Variants in ZNF239 observed in about 807,000 individuals in gnomAD.
ZNF239 encodes the protein zinc finger protein (C2H2) homologous to mouse MOK-2.
A neutral mutation model predicts 27.5 loss-of-function variants in ZNF239; 16 were observed. The ratio of observed to expected loss-of-function variants is 0.58; its 90% CI spans 0.39 to 0.88. The LOEUF (loss-of-function observed/expected upper bound fraction) is 0.88. ZNF239 is among the 40% of genes least tolerant of loss of function. ZNF239 has a pLI of 0.00. For synonymous variants in ZNF239, 199 were observed against 192.6 expected (o/e 1.03, Z -0.27); for missense variants, 527 against 551.9 (o/e 0.95, Z 0.45).
At position 43,558,137 on chromosome 10, in the gene ZNF239, C is replaced by T. The variant is rs2999278; in HGVS notation, c.-58G>A. The T allele has an allele frequency of 0.54, 822,099 of 1,524,316 alleles. 222,535 individuals are homozygous for T. The highest frequency in any genetic ancestry group is 0.61 in the South Asian group (47,612 of 78,046). The allele number at this position is 1,524,316 out of a possible 1,614,324, so 94.4% of individuals were successfully genotyped here. A position where few individuals can be genotyped will look rare whatever the true frequency, so the allele number is the denominator to read the frequency against. On this transcript the variant is annotated 5_prime_UTR_variant, in exon 4 of 4. Coordinates refer to ENST00000374446, the MANE Select transcript of ZNF239 (RefSeq NM_001099282.2). ...GTAACAGATCCTGAAGTGTTTTCTG[C>T]TGAAGATTCTCCACAGAATTTTCAT...
At chr10:43,574,369 G>A (rs1838224973) in intron 1 of ZNF239, among the ~76,000 whole-genome samples, 171 bp downstream of exon 1, 1 of 152,198 alleles carries the variant, frequency 6.6e-6, no homozygotes, top group Non-Finnish European at 1.5e-5. Context: ...CGGAAATGCG[G>A]CGCCGGGACA....
At chr10:43,566,461 T>C (rs1004434748) in intron 3 of ZNF239, among the ~76,000 whole-genome samples, 1 of 152,282 alleles carries the variant, frequency 6.6e-6, no homozygotes, top group South Asian at 2.1e-4. Flanking sequence ...AATTTTTGTA[T>C]ATTTTGTAGA....
At chr10:43,560,712 T>C (rs1564458465) in intron 3 of ZNF239, among the ~76,000 whole-genome samples, 1 of 140,010 alleles carries the variant, frequency 7.1e-6, no homozygotes, top group Non-Finnish European at 1.5e-5. Flanking sequence ...CCTCCCTCCC[T>C]AGCCCAATCA....
At chr10:43,566,413 G>A (rs1162562962) in intron 3 of ZNF239, among the ~76,000 whole-genome samples, 1 of 152,054 alleles carries the variant, frequency 6.6e-6, no homozygotes, top group Non-Finnish European at 1.5e-5. Flanking sequence ...AGCCTCCTGA[G>A]TAGCTGGGAT....
intron 3 of ZNF239, among the ~76,000 whole-genome samples, chr10:43,559,066 G>T (rs1336994544): frequency 6.6e-6 from 1 of 152,136 alleles, no homozygotes; most frequent in Admixed American, 6.5e-5. Context: ...GAAATGTGGA[G>T]AGAAAATATG....
intron 2 of ZNF239, chr10:43,568,599 T>C (rs1458675267): frequency 2.9e-6 from 1 of 340,006 alleles, no homozygotes; most frequent in African/African-American, 2.2e-5. Flanking sequence ...ATAGCACATA[T>C]ACACACAGCC....
chr10:43,558,124 G>T lies in ZNF239; in HGVS notation c.-45C>A. On this transcript the variant is annotated 5_prime_UTR_variant, in exon 4 of 4. Transcript: ENST00000374446. Reference sequence around the variant, plus strand: ...GAGGAAAGCTCATGTAACAGATCCTGAAGTGTTTTCTGCTGAAGATTCTCC... The same window carrying T: ...GAGGAAAGCTCATGTAACAGATCCTTAAGTGTTTTCTGCTGAAGATTCTCC... 6.4e-7 allele frequency: 1 copy of T among 1,562,606 alleles called. No homozygotes were observed. Among genetic ancestry groups the T allele is most frequent in the Non-Finnish European group, 8.7e-7 (1 of 1,154,680 alleles).
rs183839669 is a variant in ZNF239, at chr10:43,557,065, G to A, written c.1015C>T (p.Arg339Ter). The A allele has an allele frequency of 4.0e-5, 64 of 1,609,312 alleles. No individual in the cohort carries two copies. The Admixed American group carries it at 5.4e-4, about 14-fold the overall frequency. ...TAGGGCCTCTCTCCTGTGTGTACTC[G>A]CTGGTGGATGTGCAGGTTTGAGCGC... is the stretch of plus-strand genomic sequence containing the variant. ...SQRSNLHIHQ[R>*]VHTGERPYKC... Residue 339 changes from arginine to a stop codon, truncating the protein, a stop_gained, in exon 4 of 4, where the codon CGA (arginine) becomes TGA (stop). Coordinates refer to ENST00000374446, the MANE Select transcript of ZNF239 (RefSeq NM_001099282.2). LOFTEE classifies it high-confidence loss of function.
At position 43,574,553 on chromosome 10, in the gene ZNF239, C is replaced by G. The variant is rs943804775; in HGVS notation, c.-270G>C. On this transcript the variant is annotated 5_prime_UTR_variant, in exon 1 of 4. Coordinates refer to ENST00000374446, the MANE Select transcript of ZNF239 (RefSeq NM_001099282.2). ...GGCCAGTCTCACCTCCCACGTGGAA[C>G]CCCACGCCTGCAGGGGCCAGATTCC... 3.9e-5 allele frequency: 6 copies of G among 152,440 alleles called. 1 individual carries two copies. The Middle Eastern group carries it at 0.014, about 343-fold the overall frequency. 9.4% of individuals were successfully genotyped at this position (152,440 alleles called of 1,614,324 possible).
At chr10:43,568,186 T>C in intron 2 of ZNF239, 165 bp from the exon 3 acceptor site, 1 of 985,496 alleles carries the variant, frequency 1.0e-6, no homozygotes, top group Non-Finnish European at 1.2e-6. Flanking sequence ...AGTCTTTCCT[T>C]TCTCACTTAC....
chr10:43,573,010 A>G (rs1838128959), intron 2 of ZNF239, among the ~76,000 whole-genome samples: 1 of 152,212 alleles, frequency 6.6e-6, no homozygotes, highest in African/African-American at 2.4e-5. Flanking sequence ...AGAATAAAAA[A>G]GGAGTGAAAC....
Position 43,556,669 on chromosome 10 carries a change from G to A in ZNF239, c.*34C>T. 1 of 1,593,832 alleles carries A rather than the reference G, an allele frequency of 6.3e-7. No homozygotes were observed. The highest frequency in any genetic ancestry group is 8.6e-7 in the Non-Finnish European group (1 of 1,169,342). On this transcript the variant is annotated 3_prime_UTR_variant, in exon 4 of 4. Transcript: ENST00000374446. The stretch of plus-strand genomic sequence containing the variant: ...AAATATTTAACAGTTTTTACAGTAT[G>A]AGCGCTGTGAAGACCTGAATGGGCT...
Position 43,557,170 on chromosome 10 carries a change from A to G in ZNF239, c.910T>C (p.Ser304Pro). 1 of 1,613,978 alleles carries G rather than the reference A, an allele frequency of 6.2e-7. No homozygotes were observed. Residue 304 changes from serine (S) to proline (P), a missense_variant, in exon 4 of 4, where the codon TCC (serine) becomes CCC (proline). Coordinates refer to ENST00000374446, the MANE Select transcript of ZNF239 (RefSeq NM_001099282.2). ...ACTCGCTGGTGGATGTGCAGTTTGG[A>G]GCTCTGACTAAAGCCCTTCCCACAC... ...DKCGKGFSQS[S>P]KLHIHQRVHT...
chr10:43,563,461 TAC>T (rs1237823075), intron 3 of ZNF239, among the ~76,000 whole-genome samples: 2 of 152,176 alleles, frequency 1.3e-5, no homozygotes, highest in Admixed American at 1.3e-4. Context: ...ACATTAAAAA[TAC>T]ACAGTGTAAT....
intron 2 of ZNF239, 133 bp from the exon 3 acceptor site, chr10:43,568,154 G>C: frequency 1.0e-6 from 1 of 985,558 alleles, no homozygotes. Flanking sequence ...ATCTGAGTGA[G>C]CTAAGCCAAG....
intron 1 of ZNF239, among the ~76,000 whole-genome samples, chr10:43,574,038 C>A (rs147186887): frequency 1.2e-3 from 179 of 152,362 alleles, no homozygotes; most frequent in Non-Finnish European, 2.0e-3. Context: ...CTTCCCCGAC[C>A]TCATTCTCAG....
chr10:43,563,797 T>A (rs1837439755), intron 3 of ZNF239, among the ~76,000 whole-genome samples: 1 of 151,988 alleles, frequency 6.6e-6, no homozygotes, highest in Non-Finnish European at 1.5e-5. Flanking sequence ...TGAAGATAAA[T>A]CTACTTTTTT....
intron 3 of ZNF239, among the ~76,000 whole-genome samples, chr10:43,565,938 C>T (rs905192069): frequency 3.3e-5 from 5 of 149,634 alleles, no homozygotes; most frequent in Admixed American, 1.3e-4. Context: ...CAAAGAATTT[C>T]AAGAGAAGGT....
Position 43,558,256 on chromosome 10 carries a change from A to T in ZNF239, c.-92-85T>A, listed in dbSNP as rs1836953829. 3 of 1,275,794 alleles carry T rather than the reference A, an allele frequency of 2.4e-6. No individual in the cohort carries two copies. In the Admixed American group the frequency reaches 8.8e-5, roughly 37 times the overall value. 79.0% of individuals were successfully genotyped at this position (1,275,794 alleles called of 1,614,324 possible). On this transcript the variant is annotated intron_variant, in intron 3 of 3. Transcript: ENST00000374446. ...GAGAGTGCCTAAGGCCTGAAGTCTT[A>T]GTAACTAGGAAAAAGTTCAGCTTGT... is the stretch of plus-strand genomic sequence containing the variant.
Sources: allele counts gnomAD v4.1 joint callset (sites outside exome capture counted in the v4.1 genomes callset), GRCh38; gene constraint gnomAD v4.1.1; transcripts MANE v1.5; gene names NCBI Gene and HGNC (gene_info 2026-07-23, HGNC 2026-07-21).